Variants in PARD3 observed in about 807,000 individuals in gnomAD.
The protein encoded by PARD3 is partitioning defective 3 homolog.
Under a neutral mutation model 155.4 loss-of-function variants are expected in PARD3, and 75 were observed. That is an observed-to-expected ratio of 0.48 (90% CI 0.40 to 0.58). PARD3 has a LOEUF of 0.58. Among genes scored for constraint, PARD3 ranks in the 20% least tolerant of loss-of-function variants. The pLI is 0.00. For synonymous variants in PARD3, 576 were observed against 610.5 expected (o/e 0.94, Z 0.83); for missense variants, 1,642 against 1,721.7 (o/e 0.95, Z 0.82).
chr10:34,298,718 C>T (rs1459652737), intron 20 of PARD3, among the ~76,000 whole-genome samples: 1 of 152,140 alleles, frequency 6.6e-6, no homozygotes, highest in Non-Finnish European at 1.5e-5. Flanking sequence ...AACTAAACGG[C>T]TTAAAAATGG....
At chr10:34,779,066 T>C (rs1305631390) in intron 1 of PARD3, among the ~76,000 whole-genome samples, 1 of 152,222 alleles carries the variant, frequency 6.6e-6, no homozygotes, top group Non-Finnish European at 1.5e-5. Flanking sequence ...ATCCCAGCAC[T>C]TTGGGAGGCC....
chr10:34,547,840 C>T (rs1195109411), intron 2 of PARD3, among the ~76,000 whole-genome samples: 2 of 152,102 alleles, frequency 1.3e-5, no homozygotes, highest in Non-Finnish European at 2.9e-5. Flanking sequence ...CAAATTCTGG[C>T]CCTACGTGTT....
At chr10:34,637,157 G>A (rs1266378461) in intron 2 of PARD3, among the ~76,000 whole-genome samples, 1 of 152,220 alleles carries the variant, frequency 6.6e-6, no homozygotes, top group East Asian at 1.9e-4. Context: ...AAATAAACCT[G>A]TTAGCCAGGA....
chr10:34,624,417 C>A (rs1222493926), intron 2 of PARD3, among the ~76,000 whole-genome samples: 3 of 152,338 alleles, frequency 2.0e-5, no homozygotes, highest in African/African-American at 7.2e-5. Context: ...TCTTTTCAGA[C>A]AAATCGATTT....
chr10:34,251,980 G>A (rs1398147144), intron 22 of PARD3, among the ~76,000 whole-genome samples: 1 of 152,116 alleles, frequency 6.6e-6, no homozygotes, highest in Non-Finnish European at 1.5e-5. Flanking sequence ...AACACCCCCT[G>A]CCCCGCTCCA....
intron 2 of PARD3, among the ~76,000 whole-genome samples, chr10:34,579,440 T>C (rs1238056181): frequency 6.6e-6 from 1 of 151,936 alleles, no homozygotes; most frequent in Non-Finnish European, 1.5e-5. Flanking sequence ...TAGATGAACT[T>C]AGTTTCCTCA....
chr10:34,666,798 T>TAA (rs1554804620), intron 2 of PARD3, among the ~76,000 whole-genome samples: 1 of 22,904 alleles, frequency 4.4e-5, no homozygotes, highest in Non-Finnish European at 1.4e-4. Flanking sequence ...AAAAAAAAAA[T>TAA]ATATATATAT....
chr10:34,283,503 T>C (rs1301964387), intron 21 of PARD3, among the ~76,000 whole-genome samples: 1 of 152,116 alleles, frequency 6.6e-6, no homozygotes, highest in East Asian at 1.9e-4. Flanking sequence ...CTGCTTAGAG[T>C]AACTCTTTTC....
rs1368573881 is a variant in PARD3, at chr10:34,317,935, G to A, written c.2834-597C>T. Among the ~76,000 whole-genome samples the A allele has an allele frequency of 3.3e-5, 5 of 152,118 alleles. No homozygotes were observed. The East Asian group carries it at 9.6e-4, about 29-fold the overall frequency. ...CCTCTGTAACTCTTCTTTGCATAAG[G>A]CCAACATCAGAAGTAAATGCTACTA... On this transcript the variant is annotated intron_variant, in intron 19 of 24. Transcript: ENST00000374788.
At chr10:34,541,009 G>T (rs1041281122) in intron 2 of PARD3, among the ~76,000 whole-genome samples, 1 of 151,898 alleles carries the variant, frequency 6.6e-6, no homozygotes. Flanking sequence ...CTTAATTTAA[G>T]ATATAAGTAA....
chr10:34,284,206 C>T lies in PARD3; in HGVS notation c.3105G>A (p.Thr1035=), dbSNP rs144200015. The change falls in exon 21 of 25, where the codon ACG becomes ACA. Residue 1035 remains threonine (T), a synonymous_variant. Coordinates refer to ENST00000374788, the MANE Select transcript of PARD3 (RefSeq NM_001184785.2). ...KHRKDDKIEK[T]GKIKIQESFT... ...AGGATTCCTGTATTTTTATTTTACC[C>T]GTTTTCTCAATCTTGTCATCTTTTC... is the stretch of plus-strand genomic sequence containing the variant. 8 of 1,609,648 alleles carry T rather than the reference C, an allele frequency of 5.0e-6. No individual in the cohort carries two copies. The highest frequency in any genetic ancestry group is 1.3e-5 in the African/African-American group (1 of 74,644).
intron 3 of PARD3, among the ~76,000 whole-genome samples, chr10:34,495,009 A>T (rs745847077): frequency 1.8e-4 from 27 of 152,152 alleles, no homozygotes; most frequent in Non-Finnish European, 3.7e-4. Context: ...TAGCACCATG[A>T]CTGTGACCAA....
chr10:34,439,958 A>T (rs1328699483), intron 5 of PARD3, among the ~76,000 whole-genome samples: 1 of 152,194 alleles, frequency 6.6e-6, no homozygotes, highest in Non-Finnish European at 1.5e-5. Context: ...TGGCTCATAT[A>T]TCTACAGAAG....
Position 34,176,373 on chromosome 10 carries a change from C to T in PARD3, c.3420-44790G>A, listed in dbSNP as rs149567927. Among the ~76,000 whole-genome samples the T allele has an allele frequency of 5.2e-3, 792 of 152,154 alleles. 9 individuals carry two copies. The highest frequency in any genetic ancestry group is 0.018 in the African/African-American group (739 of 41,488). On this transcript the variant is annotated intron_variant, in intron 22 of 24. Transcript: ENST00000374788. ...AAAATTGGAATGAGTATAAATAAAA[C>T]GGGGACAGGGCAGAAAAGCACAGGA...
At chr10:34,214,135 G>A (rs146970047) in intron 22 of PARD3, among the ~76,000 whole-genome samples, 84 of 152,156 alleles carry the variant, frequency 5.5e-4, no homozygotes, top group African/African-American at 1.8e-3. Context: ...TCCTAGCTTC[G>A]AGTGATACTC....
intron 2 of PARD3, among the ~76,000 whole-genome samples, chr10:34,608,962 T>C (rs1395959276): frequency 6.6e-6 from 1 of 152,206 alleles, no homozygotes; most frequent in Non-Finnish European, 1.5e-5. Flanking sequence ...ACGCAAATAC[T>C]GCACCAACCA....
intron 1 of PARD3, among the ~76,000 whole-genome samples, chr10:34,715,795 C>T (rs915656446): frequency 2.0e-5 from 3 of 152,190 alleles, no homozygotes; most frequent in African/African-American, 7.2e-5. Context: ...ATGGGTCCCA[C>T]CCTCCTAGAA....
intron 15 of PARD3, among the ~76,000 whole-genome samples, chr10:34,342,875 C>T (rs7079223): frequency 0.027 from 4,096 of 152,180 alleles, 174 homozygotes; most frequent in African/African-American, 0.094. Context: ...CTTCTCAGCA[C>T]GTTACCAAGA....
intron 2 of PARD3, among the ~76,000 whole-genome samples, chr10:34,631,534 T>C (rs2092269324): frequency 6.6e-6 from 1 of 152,180 alleles, no homozygotes; most frequent in South Asian, 2.1e-4. Flanking sequence ...GCCTACAGCA[T>C]CACAGGAATT....
Sources: allele counts gnomAD v4.1 joint callset (sites outside exome capture counted in the v4.1 genomes callset), GRCh38; gene constraint gnomAD v4.1.1; transcripts MANE v1.5; gene names NCBI Gene and HGNC (gene_info 2026-07-23, HGNC 2026-07-21).